Variants in LRRTM4 observed in about 807,000 individuals in gnomAD.
LRRTM4 encodes the protein leucine rich repeat transmembrane neuronal 4, also known as leucine-rich repeat transmembrane neuronal protein 4.
In LRRTM4, 25 loss-of-function variants were observed where a neutral mutation model predicts 47.6. That is an observed-to-expected ratio of 0.53 (90% CI 0.38 to 0.73). The LOEUF (loss-of-function observed/expected upper bound fraction) is 0.73, where lower values mean the gene tolerates loss of function less well. LRRTM4 is among the 30% of genes least tolerant of loss of function. LRRTM4 has a pLI of 0.00. For missense variants in LRRTM4, 638 were observed against 713.4 expected, an observed-to-expected ratio of 0.89 and a Z score of 1.20; for synonymous variants, 311 against 269.5, an observed-to-expected ratio of 1.15 and a Z score of -1.51.
chr2:77,317,603 G>A (rs773691355), intron 3 of LRRTM4, among the ~76,000 whole-genome samples: 13 of 152,136 alleles, frequency 8.5e-5, no homozygotes, highest in Non-Finnish European at 1.3e-4. Flanking sequence ...TCATGAAGAT[G>A]TCAGTGTTAT....
chr2:77,476,400 T>C (rs1677389420), intron 3 of LRRTM4, among the ~76,000 whole-genome samples: 1 of 152,130 alleles, frequency 6.6e-6, no homozygotes, highest in Non-Finnish European at 1.5e-5. Flanking sequence ...TTGGTAAATA[T>C]ACAGGTCAAA....
intron 3 of LRRTM4, among the ~76,000 whole-genome samples, chr2:77,460,419 G>C (rs1573445438): frequency 6.6e-6 from 1 of 152,096 alleles, no homozygotes; most frequent in South Asian, 2.1e-4. Flanking sequence ...CAGTAAGAGA[G>C]AAGTCATTAT....
chr2:76,923,378 A>G (rs1187282618), intron 3 of LRRTM4, among the ~76,000 whole-genome samples: 3 of 152,000 alleles, frequency 2.0e-5, no homozygotes, highest in African/African-American at 7.2e-5. Context: ...ATTATTAAAA[A>G]TAAAATTACA....
rs543483300 is a variant in LRRTM4 at position 77,474,502 on chromosome 2, G to A, written c.1551+43816C>T. Among the ~76,000 whole-genome samples the A allele has an allele frequency of 2.0e-5, 3 of 152,124 alleles. No individual in the cohort carries two copies. In the South Asian group the frequency reaches 6.2e-4, roughly 32 times the overall value. On this transcript the variant is annotated intron_variant, in intron 3 of 3. Transcript: ENST00000409884. Reference sequence around the variant, plus strand: ...AGAGGTGGTTACAGCAATGTCAAGAGTAAGGTTGGAATAGAATCAATATAA... The same window carrying A: ...AGAGGTGGTTACAGCAATGTCAAGAATAAGGTTGGAATAGAATCAATATAA...
intron 3 of LRRTM4, among the ~76,000 whole-genome samples, chr2:77,508,028 A>C (rs781402451): frequency 3.9e-5 from 6 of 152,108 alleles, no homozygotes; most frequent in African/African-American, 1.2e-4. Flanking sequence ...AAGTGAACAG[A>C]AGTCTAATTT....
At chr2:76,877,004 A>T (rs930986914) in intron 3 of LRRTM4, among the ~76,000 whole-genome samples, 1 of 152,066 alleles carries the variant, frequency 6.6e-6, no homozygotes, top group Non-Finnish European at 1.5e-5. Context: ...TAGAGAGTAT[A>T]CTTTGAGCTT....
At chr2:76,783,225 C>T (rs141495753) in intron 3 of LRRTM4, among the ~76,000 whole-genome samples, 3 of 152,094 alleles carry the variant, frequency 2.0e-5, no homozygotes, top group African/African-American at 7.2e-5. Flanking sequence ...AAGCAGTAAG[C>T]TAAATGTTGT....
chr2:77,401,385 T>G (rs558476951), intron 3 of LRRTM4, among the ~76,000 whole-genome samples: 1 of 152,136 alleles, frequency 6.6e-6, no homozygotes, highest in Admixed American at 6.6e-5. Context: ...CTATGCTATT[T>G]AAAATTGCAT....
chr2:77,405,741 C>T (rs1458119998), intron 3 of LRRTM4, among the ~76,000 whole-genome samples: 1 of 152,108 alleles, frequency 6.6e-6, no homozygotes, highest in Non-Finnish European at 1.5e-5. Flanking sequence ...AGAATCAGGT[C>T]TCAAGTCCAG....
intron 3 of LRRTM4, among the ~76,000 whole-genome samples, chr2:77,184,649 A>G (rs773092232): frequency 6.6e-6 from 1 of 152,104 alleles, no homozygotes; most frequent in Non-Finnish European, 1.5e-5. Flanking sequence ...ATCATGCCAT[A>G]TTACTCTATT....
At chr2:77,188,321 T>C (rs1673569166) in intron 3 of LRRTM4, among the ~76,000 whole-genome samples, 2 of 152,230 alleles carry the variant, frequency 1.3e-5, no homozygotes, top group South Asian at 4.1e-4. Flanking sequence ...AAACAAATTC[T>C]TCCTTGCTCC....
rs558191984 is a variant in LRRTM4, at chr2:77,031,767, G to A, written c.1552-282851C>T. On this transcript the variant is annotated intron_variant, in intron 3 of 3. Transcript: ENST00000409884. ...CGTGTGTGTGACAGAGAGAGAGCGC[G>A]CACAATATGTGCATGTAAATGTAAA... is the stretch of plus-strand genomic sequence containing the variant. 1.2e-3 allele frequency among the ~76,000 whole-genome samples: 189 copies of A among 152,168 alleles called. 1 individual carries two copies. Among genetic ancestry groups the A allele is most frequent in the African/African-American group, 4.1e-3 (172 of 41,532 alleles).
intron 3 of LRRTM4, among the ~76,000 whole-genome samples, chr2:77,472,791 A>G (rs1266679251): frequency 6.6e-6 from 1 of 152,136 alleles, no homozygotes; most frequent in Non-Finnish European, 1.5e-5. Flanking sequence ...TTTCCTAACC[A>G]TTCCAGTACT....
intron 3 of LRRTM4, among the ~76,000 whole-genome samples, chr2:76,803,819 T>G (rs746437918): frequency 6.6e-6 from 1 of 152,148 alleles, no homozygotes; most frequent in Non-Finnish European, 1.5e-5. Context: ...CCCTGAAACA[T>G]CTGTACAAAC....
intron 3 of LRRTM4, among the ~76,000 whole-genome samples, chr2:77,219,860 G>C (rs901641056): frequency 2.6e-5 from 4 of 152,082 alleles, no homozygotes; most frequent in Non-Finnish European, 5.9e-5. Flanking sequence ...AGAGAGTAAT[G>C]GTTCTCCCAG....
chr2:76,979,101 T>C (rs1047928991), intron 3 of LRRTM4, among the ~76,000 whole-genome samples: 7 of 151,982 alleles, frequency 4.6e-5, no homozygotes, highest in African/African-American at 1.7e-4. Context: ...CTTGCCCACA[T>C]TTAGTGCTGA....
At chr2:77,012,999 G>T (rs1183107417) in intron 3 of LRRTM4, among the ~76,000 whole-genome samples, 1 of 152,196 alleles carries the variant, frequency 6.6e-6, no homozygotes, top group Non-Finnish European at 1.5e-5. Flanking sequence ...ATTTGTGACA[G>T]AATTATATAG....
intron 3 of LRRTM4, among the ~76,000 whole-genome samples, chr2:77,088,995 C>A (rs1027590871): frequency 6.6e-6 from 1 of 152,206 alleles, no homozygotes; most frequent in East Asian, 1.9e-4. Context: ...AAAACTCCGG[C>A]GCCGGTCACG....
intron 3 of LRRTM4, among the ~76,000 whole-genome samples, chr2:76,914,195 C>T (rs906925080): frequency 1.3e-5 from 2 of 151,508 alleles, no homozygotes; most frequent in Non-Finnish European, 2.9e-5. Context: ...ATTGATATTC[C>T]CCTAAAGCTC....
Sources: allele counts gnomAD v4.1 joint callset (sites outside exome capture counted in the v4.1 genomes callset), GRCh38; gene constraint gnomAD v4.1.1; transcripts MANE v1.5; gene names NCBI Gene and HGNC (gene_info 2026-07-23, HGNC 2026-07-21).